NBAS: variants seen among roughly 807,000 people sequenced by gnomAD.
NBAS encodes NAG/BC035112 fusion.
In NBAS, 219 loss-of-function variants were observed where a neutral mutation model predicts 302.5. The observed-to-expected ratio is 0.72, with a 90% CI of 0.65 to 0.81. The LOEUF (loss-of-function observed/expected upper bound fraction) is 0.81, where lower values mean the gene tolerates loss of function less well. Ranked by LOEUF, NBAS falls within the 30% of genes least tolerant of loss-of-function variation. The pLI is 0.00. For synonymous variants in NBAS, 1,118 were observed against 1,021.6 expected (o/e 1.09, Z -1.80); for missense variants, 2,932 against 2,841.6 (o/e 1.03, Z -0.72).
chr2:14,822,354 A>G, the NBAS span, among the ~76,000 whole-genome samples: 1 of 152,162 alleles, frequency 6.6e-6, no homozygotes, highest in African/African-American at 2.4e-5. Flanking sequence ...CCAAAATTCC[A>G]ATGTTCTATG....
the NBAS span, among the ~76,000 whole-genome samples, chr2:14,888,482 C>T: frequency 0.038 from 5,767 of 151,844 alleles, 138 homozygotes; most frequent in Non-Finnish European, 0.051. Context: ...CATAGAAAAT[C>T]AGACCCATCA....
chr2:15,245,961 G>C (rs560290228), intron 44 of NBAS, among the ~76,000 whole-genome samples: 60 of 152,164 alleles, frequency 3.9e-4, no homozygotes, highest in Non-Finnish European at 6.8e-4. Flanking sequence ...TTGACCTGTG[G>C]GCCATCATTT....
chr2:15,284,292 A>G (rs894910160), intron 42 of NBAS, among the ~76,000 whole-genome samples: 1 of 152,206 alleles, frequency 6.6e-6, no homozygotes, highest in South Asian at 2.1e-4. Context: ...TACAGGTTAG[A>G]TATCTTACCA....
At chr2:15,556,106 C>A (rs573559978) in intron 3 of NBAS, among the ~76,000 whole-genome samples, 17 of 152,274 alleles carry the variant, frequency 1.1e-4, no homozygotes, top group Admixed American at 9.1e-4. Context: ...CATACACACA[C>A]ACATACATAG....
At chr2:15,404,967 T>G (rs1676339917) in intron 25 of NBAS, among the ~76,000 whole-genome samples, 1 of 152,206 alleles carries the variant, frequency 6.6e-6, no homozygotes, top group Admixed American at 6.5e-5. Flanking sequence ...CCTGCTCCCA[T>G]GAACCACTTA....
the NBAS span, among the ~76,000 whole-genome samples, chr2:14,944,308 C>CAAAAAACAA: frequency 2.0e-5 from 3 of 150,990 alleles, no homozygotes; most frequent in Admixed American, 6.6e-5. Context: ...CGTCTCAAAA[C>CAAAAAACAA]AAAAAACAAA....
chr2:15,242,195 G>A (rs1320275546), intron 44 of NBAS, among the ~76,000 whole-genome samples: 1 of 152,212 alleles, frequency 6.6e-6, no homozygotes, highest in Non-Finnish European at 1.5e-5. Context: ...TGTAGGTTAT[G>A]AGAGACAGGT....
At chr2:15,321,745 G>A (rs955670215) in intron 38 of NBAS, among the ~76,000 whole-genome samples, 2 of 152,152 alleles carry the variant, frequency 1.3e-5, no homozygotes. Flanking sequence ...GGAAACAGAT[G>A]CTAGAGAGGA....
intron 33 of NBAS, among the ~76,000 whole-genome samples, chr2:15,354,067 C>T (rs1673498821): frequency 6.6e-6 from 1 of 152,188 alleles, no homozygotes; most frequent in Admixed American, 6.5e-5. Context: ...CTACTTAGCA[C>T]TCCTGTGAGA....
the NBAS span, among the ~76,000 whole-genome samples, chr2:15,086,503 C>T: frequency 6.6e-6 from 1 of 152,230 alleles, no homozygotes; most frequent in Non-Finnish European, 1.5e-5. Flanking sequence ...ATGCCCCTTG[C>T]TTGCCATATT....
chr2:15,032,060 G>A, the NBAS span, among the ~76,000 whole-genome samples: 9 of 152,312 alleles, frequency 5.9e-5, no homozygotes, highest in East Asian at 1.4e-3. Flanking sequence ...GAATGGAGTC[G>A]AGTTGTTTCC....
At chr2:15,384,776 A>G (rs1009706219) in intron 28 of NBAS, among the ~76,000 whole-genome samples, 3 of 152,224 alleles carry the variant, frequency 2.0e-5, no homozygotes, top group African/African-American at 7.2e-5. Context: ...GAATATCATT[A>G]TTCAAGAAGA....
chr2:15,374,186 T>C (rs16862551), intron 31 of NBAS, among the ~76,000 whole-genome samples: 9,578 of 152,278 alleles, frequency 0.063, 892 homozygotes, highest in African/African-American at 0.2. Context: ...CGTAATATAC[T>C]GAGTCAAGCA....
intron 12 of NBAS, among the ~76,000 whole-genome samples, chr2:15,487,937 T>C (rs1040143506): frequency 3.3e-5 from 5 of 152,104 alleles, no homozygotes; most frequent in East Asian, 1.9e-4. Context: ...AAGCTGTGTA[T>C]AAGACAAAAA....
chr2:15,118,738 A>G, the NBAS span, among the ~76,000 whole-genome samples: 3 of 152,274 alleles, frequency 2.0e-5, no homozygotes, highest in African/African-American at 7.2e-5. Context: ...CAAGGTGCAG[A>G]AAAGTGAAGA....
At chr2:15,128,783 C>A in the NBAS span, among the ~76,000 whole-genome samples, 3 of 152,262 alleles carry the variant, frequency 2.0e-5, no homozygotes, top group African/African-American at 7.2e-5. Flanking sequence ...CAAAGTTTGG[C>A]GGGGCAACTG....
the NBAS span, among the ~76,000 whole-genome samples, chr2:14,989,561 A>G: frequency 6.6e-6 from 1 of 152,064 alleles, no homozygotes; most frequent in Non-Finnish European, 1.5e-5. Context: ...CCGTCTCAAA[A>G]AAATTAAAAT....
At chr2:15,157,668 G>A in the NBAS span, among the ~76,000 whole-genome samples, 132 of 152,214 alleles carry the variant, frequency 8.7e-4, 1 homozygote, top group Non-Finnish European at 1.3e-3. Flanking sequence ...TTTTGCCCTA[G>A]AGAGAAGAGG....
intron 10 of NBAS, 136 bp from the exon 11 acceptor site, chr2:15,504,349 G>A (rs1160845012): frequency 3.9e-6 from 3 of 769,574 alleles, no homozygotes; most frequent in African/African-American, 1.7e-5. Context: ...CCAAGAAGGT[G>A]TCAAGGATCT....
Sources: gnomAD v4.1 joint callset for allele counts (sites outside exome capture counted in the v4.1 genomes callset) on GRCh38, gnomAD v4.1.1 for gene constraint, MANE v1.5 for transcripts, NCBI Gene and HGNC (gene_info 2026-07-23, HGNC 2026-07-21) for gene names.